Variants in TBL1X observed in about 807,000 individuals in gnomAD.
TBL1X encodes F-box-like/WD repeat-containing protein TBL1X.
Under a neutral mutation model 50.7 loss-of-function variants are expected in TBL1X, and 10 were observed. The observed-to-expected ratio is 0.20, with a 90% CI of 0.12 to 0.33. The LOEUF (loss-of-function observed/expected upper bound fraction) is 0.33. TBL1X is among the 10% of genes least tolerant of loss of function. The probability of loss-of-function intolerance (pLI) is 1.00; values close to 1 mark genes in which losing one functional copy is unlikely to be tolerated. For missense variants in TBL1X, 340 were observed against 504.4 expected, an observed-to-expected ratio of 0.67 and a Z score of 3.12; for synonymous variants, 190 against 214.7, an observed-to-expected ratio of 0.88 and a Z score of 1.01.
intron 1 of TBL1X, among the ~76,000 whole-genome samples, chrX:9,499,663 A>G (rs1032573903): frequency 1.8e-5 from 2 of 112,329 alleles, no homozygotes; most frequent in Non-Finnish European, 3.8e-5. Context: ...AGGCTGTCTC[A>G]TTTGATGTCA....
chrX:9,541,185 T>C (rs1452574352), intron 2 of TBL1X, among the ~76,000 whole-genome samples: 3 of 111,764 alleles, frequency 2.7e-5, no homozygotes, highest in Non-Finnish European at 1.9e-5. Flanking sequence ...CATAAAGCCA[T>C]ATGGTACAAT....
intron 2 of TBL1X, among the ~76,000 whole-genome samples, chrX:9,554,932 C>A (rs1046532528): frequency 1.8e-5 from 2 of 111,773 alleles, no homozygotes; most frequent in Non-Finnish European, 3.8e-5. Context: ...GGCCACTGAT[C>A]TATTTTATGT....
intron 2 of TBL1X, among the ~76,000 whole-genome samples, chrX:9,522,837 G>C: frequency 9.0e-6 from 1 of 111,699 alleles, no homozygotes; most frequent in African/African-American, 3.3e-5. Context: ...GCCCTTGTCA[G>C]GCTCTCCATC....
intron 2 of TBL1X, among the ~76,000 whole-genome samples, chrX:9,604,840 C>CCTTG (rs2082575041): frequency 9.0e-6 from 1 of 110,812 alleles, no homozygotes; most frequent in African/African-American, 3.3e-5. Context: ...GAGGAGAAGA[C>CCTTG]GTTTCACCCT....
At chrX:9,488,401 C>T (rs1052735760) in intron 1 of TBL1X, among the ~76,000 whole-genome samples, 3 of 111,497 alleles carry the variant, frequency 2.7e-5, no homozygotes, top group Non-Finnish European at 5.6e-5. Context: ...TGGCCCCTTC[C>T]TCCATCTGCA....
At chrX:9,519,061 T>C (rs1384504295) in intron 2 of TBL1X, among the ~76,000 whole-genome samples, 2 of 111,097 alleles carry the variant, frequency 1.8e-5, no homozygotes, top group Non-Finnish European at 3.8e-5. Flanking sequence ...TTTTAGATGG[T>C]TGTGTCACCT....
chrX:9,531,135 A>T (rs190898291), intron 2 of TBL1X: 4 of 110,731 alleles, frequency 3.6e-5, no homozygotes, highest in Admixed American at 1.9e-4. Context: ...GGGTGGAGTT[A>T]GTGGGAGATG....
intron 2 of TBL1X, among the ~76,000 whole-genome samples, chrX:9,536,353 C>T (rs185146543): frequency 1.8e-5 from 2 of 109,002 alleles, no homozygotes; most frequent in East Asian, 2.9e-4. Flanking sequence ...CGGGTTCAAG[C>T]GATTCTTCTG....
intron 12 of TBL1X, among the ~76,000 whole-genome samples, chrX:9,703,572 C>T (rs1401063859): frequency 3.6e-5 from 4 of 111,582 alleles, no homozygotes; most frequent in African/African-American, 9.8e-5. Flanking sequence ...CGCTCCCAGC[C>T]GCAGACCCAC....
At chrX:9,499,209 C>T (rs1376862608) in intron 1 of TBL1X, among the ~76,000 whole-genome samples, 1 of 111,721 alleles carries the variant, frequency 9.0e-6, no homozygotes, top group African/African-American at 3.3e-5. Context: ...CTAGACTATG[C>T]CAACGTGATC....
chrX:9,711,895 G>A (rs2083249667), intron 16 of TBL1X, 119 bp downstream of exon 16: 36 of 818,042 alleles, frequency 4.4e-5, no homozygotes, highest in Non-Finnish European at 5.8e-5. Flanking sequence ...CAGGCTCCCC[G>A]GGCAGACCCA....
At position 9,662,039 on chromosome X, in the gene TBL1X, G is replaced by T. The variant is rs772772769; in HGVS notation, c.211+7717G>T. ...TCCGTGAAAGAAGCACTTCCCTGAG[G>T]CTTCCCTGTGTTCCAATGCCCTTCA... On this transcript the variant is annotated intron_variant, in intron 5 of 17. Transcript: ENST00000645353. 4.5e-5 allele frequency among the ~76,000 whole-genome samples: 5 copies of T among 111,405 alleles called. No homozygotes were observed. The South Asian group carries it at 1.1e-3, about 26-fold the overall frequency.
chrX:9,498,538 G>A (rs1013180973), intron 1 of TBL1X, among the ~76,000 whole-genome samples: 3 of 112,797 alleles, frequency 2.7e-5, no homozygotes, highest in Admixed American at 1.9e-4. Flanking sequence ...CAGCTCTGTG[G>A]CTGAGCCCTA....
intron 2 of TBL1X, among the ~76,000 whole-genome samples, chrX:9,625,068 A>G (rs923851891): frequency 1.9e-4 from 21 of 112,584 alleles, no homozygotes; most frequent in Non-Finnish European, 1.3e-4. Context: ...TTGTATGACT[A>G]TTTTAAGTTC....
intron 2 of TBL1X, among the ~76,000 whole-genome samples, chrX:9,544,591 T>A (rs1045756696): frequency 8.9e-6 from 1 of 112,166 alleles, no homozygotes; most frequent in Non-Finnish European, 1.9e-5. Flanking sequence ...AGACAGAGTT[T>A]CACTCTTGTT....
intron 2 of TBL1X, among the ~76,000 whole-genome samples, chrX:9,595,651 G>C (rs899937395): frequency 1.8e-5 from 2 of 111,452 alleles, no homozygotes; most frequent in Non-Finnish European, 3.8e-5. Context: ...GAATCCTTAG[G>C]GTGGACTAAG....
intron 2 of TBL1X, among the ~76,000 whole-genome samples, chrX:9,573,708 A>T (rs1038834952): frequency 2.7e-5 from 3 of 112,581 alleles, no homozygotes; most frequent in Admixed American, 9.4e-5. Context: ...GGGGCCGCAG[A>T]GTGGAGCTGG....
rs186116874 is a variant in TBL1X at position 9,569,416 on chromosome X, G to C, written c.-131+67567G>C. Among the ~76,000 whole-genome samples the C allele has an allele frequency of 1.1e-3, 121 of 111,525 alleles. 1 individual carries two copies. The highest frequency in any genetic ancestry group is 9.2e-4 in the Non-Finnish European group (49 of 52,992). On this transcript the variant is annotated intron_variant, in intron 2 of 17. Transcript: ENST00000645353. ...GTGCTGTGTGTCTGTGTGGTGTACT[G>C]TGTGTGTGTCTATTTGTGTACCGTG...
At chrX:9,642,623 A>T (rs958354687) in intron 3 of TBL1X, among the ~76,000 whole-genome samples, 5 of 111,964 alleles carry the variant, frequency 4.5e-5, no homozygotes, top group African/African-American at 1.6e-4. Context: ...AGAAGGGACT[A>T]GGCAGTCCGT....
Sources: allele counts gnomAD v4.1 joint callset (sites outside exome capture counted in the v4.1 genomes callset), GRCh38; gene constraint gnomAD v4.1.1; transcripts MANE v1.5; gene names NCBI Gene and HGNC (gene_info 2026-07-23, HGNC 2026-07-21).